Variants in DSE observed in about 807,000 individuals in gnomAD.
DSE encodes dermatan sulfate epimerase.
A neutral mutation model predicts 84.4 loss-of-function variants in DSE; 36 were observed. That is an observed-to-expected ratio of 0.43 (90% CI 0.33 to 0.56). The LOEUF (loss-of-function observed/expected upper bound fraction) is 0.56. DSE is among the 20% of genes least tolerant of loss of function. The pLI, the probability that DSE is intolerant of heterozygous loss-of-function variation, is 0.06. For synonymous variants in DSE, 410 were observed against 430.1 expected (o/e 0.95, Z 0.58); for missense variants, 862 against 1,169.6 (o/e 0.74, Z 3.84).
chr6:116,278,460 C>T, intron 2 of DSE: 2 of 1,610,906 alleles, frequency 1.2e-6, no homozygotes, highest in Non-Finnish European at 1.7e-6. Flanking sequence ...TGCCCAAGCA[C>T]AGGTCCAGCA....
At chr6:116,370,831 T>C, upstream of DSE, 1 of 985,602 alleles carries the variant, frequency 1.0e-6, no homozygotes, top group Non-Finnish European at 1.2e-6. Context: ...CCTCGTCTCC[T>C]CTGGCTCTGG....
In DSE at chr6:116,436,948, C is replaced by T. The variant is rs1173944965; in HGVS notation, c.2480C>T (p.Ala827Val). 1 of 1,613,878 alleles carries T rather than the reference C, an allele frequency of 6.2e-7. No individual in the cohort carries two copies. The highest frequency in any genetic ancestry group is 8.5e-7 in the Non-Finnish European group (1 of 1,180,000). ...KFVDAVPDIF[A>V]QIEVNEKKIR... is the part of the protein sequence containing the mutation. ...GTGGATGCTGTCCCTGATATTTTTG[C>T]ACAGATTGAAGTCAATGAGAAAAAG... The change falls in exon 6 of 6, where the codon GCA becomes GTA. Residue 827 changes from alanine (A) to valine (V), a missense_variant. Coordinates refer to ENST00000644252, the MANE Select transcript of DSE (RefSeq NM_013352.4).
At chr6:116,280,059 A>G (rs1190258669) in intron 2 of DSE, 46 of 632,720 alleles carry the variant, frequency 7.3e-5, no homozygotes, top group Non-Finnish European at 4.6e-5. Flanking sequence ...CTGTGAATTT[A>G]CCCATAGCAA....
upstream of DSE, among the ~76,000 whole-genome samples, chr6:116,367,511 G>A (rs1032099449): frequency 6.6e-6 from 1 of 152,142 alleles, no homozygotes; most frequent in African/African-American, 2.4e-5. Context: ...TTGTTACTCT[G>A]TTATTTTAGG....
At chr6:116,263,619 A>T (rs1045961395) in intron 2 of DSE, among the ~76,000 whole-genome samples, 6 of 152,096 alleles carry the variant, frequency 3.9e-5, no homozygotes, top group Admixed American at 6.5e-5. Flanking sequence ...GTTAGTAATG[A>T]CGTGTGTGGA....
At chr6:116,309,313 CACATACATACAT>C (rs145676578) in intron 2 of DSE, among the ~76,000 whole-genome samples, 2 of 150,150 alleles carry the variant, frequency 1.3e-5, no homozygotes, top group Admixed American at 6.7e-5. Context: ...ATTTGGAATA[CACATACATACAT>C]ACATACATAC....
chr6:116,435,425 T>C (rs1251182149), intron 5 of DSE, among the ~76,000 whole-genome samples, 162 bp from the exon 6 acceptor site: 2 of 152,222 alleles, frequency 1.3e-5, no homozygotes, highest in Non-Finnish European at 2.9e-5. Context: ...TTTCCCTTTG[T>C]GCATACTGGT....
intron 2 of DSE, among the ~76,000 whole-genome samples, chr6:116,260,476 CTTTAG>C (rs1430574667): frequency 2.0e-5 from 3 of 152,094 alleles, no homozygotes; most frequent in Non-Finnish European, 4.4e-5. Flanking sequence ...TGCAGAAGCT[CTTTAG>C]TTTAATTAGA....
chr6:116,356,540 A>G (rs570717910), intron 2 of DSE, among the ~76,000 whole-genome samples: 9 of 152,328 alleles, frequency 5.9e-5, no homozygotes, highest in Non-Finnish European at 1.3e-4. Flanking sequence ...TTATATTTCT[A>G]CTGGACAATT....
intron 2 of DSE, among the ~76,000 whole-genome samples, chr6:116,329,169 G>A (rs1776800720): frequency 6.6e-6 from 1 of 152,182 alleles, no homozygotes; most frequent in African/African-American, 2.4e-5. Flanking sequence ...CTATGTGGAA[G>A]TAATTCTAAC....
intron 2 of DSE, among the ~76,000 whole-genome samples, chr6:116,267,168 T>C (rs1772661687): frequency 6.6e-6 from 1 of 152,264 alleles, no homozygotes; most frequent in South Asian, 2.1e-4. Context: ...GTATTTACTA[T>C]ACTATATGTG....
At chr6:116,293,345 C>T (rs1320751184) in intron 2 of DSE, among the ~76,000 whole-genome samples, 2 of 151,006 alleles carry the variant, frequency 1.3e-5, no homozygotes, top group South Asian at 2.1e-4. Flanking sequence ...GATCTCAGCT[C>T]ACTACAACCT....
intron 4 of DSE, chr6:116,432,632 A>G (rs1301893018): frequency 2.7e-5 from 4 of 146,044 alleles, no homozygotes; most frequent in African/African-American, 5.1e-5. Flanking sequence ...TTTTTTTTCT[A>G]CAGTTGATAC....
At chr6:116,431,629 A>G (rs1398228080) in intron 4 of DSE, among the ~76,000 whole-genome samples, 1 of 152,186 alleles carries the variant, frequency 6.6e-6, no homozygotes, top group East Asian at 1.9e-4. Context: ...GACATGATTC[A>G]AAATGAAAGA....
At chr6:116,370,411 C>T (rs954552238), upstream of DSE, 23 of 970,486 alleles carry the variant, frequency 2.4e-5, no homozygotes, top group Admixed American at 1.1e-3. Flanking sequence ...ACTAACTTCT[C>T]TTTGAGAAGA....
At chr6:116,347,302 C>T (rs944311636) in intron 2 of DSE, among the ~76,000 whole-genome samples, 9 of 151,972 alleles carry the variant, frequency 5.9e-5, no homozygotes, top group South Asian at 2.1e-4. Context: ...AAAAAGAGCC[C>T]GCATTGCCAA....
At chr6:116,301,872 G>A (rs1408768333) in intron 2 of DSE, among the ~76,000 whole-genome samples, 1 of 152,206 alleles carries the variant, frequency 6.6e-6, no homozygotes, top group Non-Finnish European at 1.5e-5. Flanking sequence ...ACTTATGAGT[G>A]AGAACATGCG....
At chr6:116,348,003 C>G (rs1301689742) in intron 2 of DSE, among the ~76,000 whole-genome samples, 2 of 152,306 alleles carry the variant, frequency 1.3e-5, no homozygotes, top group African/African-American at 4.8e-5. Flanking sequence ...ACAGACACTT[C>G]TCAAAAGAAG....
At chr6:116,299,526 A>T (rs1413923578) in intron 2 of DSE, among the ~76,000 whole-genome samples, 2 of 29,522 alleles carry the variant, frequency 6.8e-5, no homozygotes, top group Non-Finnish European at 1.0e-4. Context: ...ATATATATAT[A>T]TATATATATA....
Sources: allele counts gnomAD v4.1 joint callset (sites outside exome capture counted in the v4.1 genomes callset), GRCh38; gene constraint gnomAD v4.1.1; transcripts MANE v1.5; gene names NCBI Gene and HGNC (gene_info 2026-07-23, HGNC 2026-07-21).